The following CADPS variants were observed in gnomAD, a reference collection of about 807,000 sequenced individuals.
CADPS encodes calcium-dependent secretion activator 1.
In CADPS, 57 loss-of-function variants were observed where a neutral mutation model predicts 167.3. The ratio of observed to expected loss-of-function variants is 0.34; its 90% CI spans 0.28 to 0.42. The LOEUF (loss-of-function observed/expected upper bound fraction) is 0.42. Among genes scored for constraint, CADPS ranks in the 20% least tolerant of loss-of-function variants. CADPS has a pLI of 1.00. For synonymous variants in CADPS, 676 were observed against 635.3 expected (o/e 1.06, Z -0.96); for missense variants, 1,414 against 1,738.1 (o/e 0.81, Z 3.32).
At chr3:62,474,003 A>G in intron 24 of CADPS, 170 bp downstream of exon 24, 2 of 525,112 alleles carry the variant, frequency 3.8e-6, no homozygotes, top group South Asian at 6.4e-5. Context: ...TGCCTTAGAA[A>G]TCTACTTGAC....
chr3:62,753,832 C>T lies in CADPS; in HGVS notation c.556-59G>A. 1 of 1,499,790 alleles carries T rather than the reference C, an allele frequency of 6.7e-7. No individual in the cohort carries two copies. The highest frequency in any genetic ancestry group is 9.0e-7 in the Non-Finnish European group (1 of 1,106,710). 92.9% of individuals were successfully genotyped at this position (1,499,790 alleles called of 1,614,324 possible). Reference sequence around the variant, plus strand: ...AGAGTTTACCACAGAGGTACCAGTTCCCTGGGGCTGGACACTGGGCCAGTC... The same window carrying T: ...AGAGTTTACCACAGAGGTACCAGTTTCCTGGGGCTGGACACTGGGCCAGTC... On this transcript the variant is annotated intron_variant, in intron 2 of 29. Transcript: ENST00000383710. The surrounding 1 kb of genome is among the most constrained non-coding windows in gnomAD (Gnocchi z 4.6).
chr3:62,841,356 TAGAG>T (rs1332906485), intron 1 of CADPS, among the ~76,000 whole-genome samples: 1 of 152,162 alleles, frequency 6.6e-6, no homozygotes, highest in Non-Finnish European at 1.5e-5. Context: ...ATTTTCCCCT[TAGAG>T]AGGGAAAAAT....
In CADPS at chr3:62,798,311, G is replaced by A. The variant is rs142516158; in HGVS notation, c.442-32327C>T. Among the ~76,000 whole-genome samples, 1,474 of 152,178 alleles carry A rather than the reference G, an allele frequency of 9.7e-3. 23 individuals are homozygous for A. Among genetic ancestry groups the A allele is most frequent in the African/African-American group, 0.033 (1,372 of 41,504 alleles). On this transcript the variant is annotated intron_variant, in intron 1 of 29. Coordinates refer to ENST00000383710, the MANE Select transcript of CADPS (RefSeq NM_003716.4). Reference sequence around the variant, plus strand: ...GCTAAGATAAAGCAGGCAGAAGAACGTGGAAGGACTTGATTTGCTGAATCT... The same window carrying A: ...GCTAAGATAAAGCAGGCAGAAGAACATGGAAGGACTTGATTTGCTGAATCT...
intron 19 of CADPS, 75 bp downstream of exon 19, chr3:62,493,570 G>C: frequency 9.0e-7 from 1 of 1,105,554 alleles, no homozygotes; most frequent in East Asian, 2.6e-5. Flanking sequence ...AGTTATTAGA[G>C]GGATATTCTA....
intron 1 of CADPS, among the ~76,000 whole-genome samples, chr3:62,837,850 A>G (rs933920358): frequency 1.3e-5 from 2 of 152,170 alleles, no homozygotes; most frequent in African/African-American, 2.4e-5. Context: ...TTGTAACTAT[A>G]AGACATAATG....
intron 13 of CADPS, among the ~76,000 whole-genome samples, chr3:62,523,931 T>C (rs1054134642): frequency 2.6e-5 from 4 of 152,222 alleles, no homozygotes; most frequent in African/African-American, 7.2e-5. Flanking sequence ...ACAAGCATGA[T>C]AACTGAATCC....
At chr3:62,736,157 G>A (rs1258289460) in intron 3 of CADPS, among the ~76,000 whole-genome samples, 1 of 152,110 alleles carries the variant, frequency 6.6e-6, no homozygotes, top group East Asian at 1.9e-4. Context: ...ACCTGTCCAG[G>A]TATCATTTTC....
At chr3:62,761,640 C>G (rs949590141) in intron 2 of CADPS, among the ~76,000 whole-genome samples, 8 of 151,790 alleles carry the variant, frequency 5.3e-5, no homozygotes, top group Non-Finnish European at 1.2e-4. Context: ...TGTGAAGAAA[C>G]TAAAATCAAG....
At chr3:62,801,436 A>C (rs2093757201) in intron 1 of CADPS, among the ~76,000 whole-genome samples, 1 of 152,142 alleles carries the variant, frequency 6.6e-6, no homozygotes, top group African/African-American at 2.4e-5. Flanking sequence ...CCTCAATGAA[A>C]ACCCAGGAAA....
intron 3 of CADPS, among the ~76,000 whole-genome samples, chr3:62,713,609 T>TCTG (rs1187330461): frequency 1.3e-5 from 2 of 152,256 alleles, no homozygotes; most frequent in African/African-American, 4.8e-5. Context: ...TTAGCCCTGC[T>TCTG]CTGCTGCTGC....
chr3:62,413,001 A>G (rs1028676784), intron 28 of CADPS, among the ~76,000 whole-genome samples: 5 of 152,140 alleles, frequency 3.3e-5, no homozygotes, highest in Admixed American at 6.5e-5. Flanking sequence ...GTCATCAGTG[A>G]GGAGGTGTGA....
intron 6 of CADPS, among the ~76,000 whole-genome samples, chr3:62,608,160 T>G (rs375956844): frequency 1.1e-4 from 16 of 152,178 alleles, no homozygotes; most frequent in African/African-American, 2.9e-4. Flanking sequence ...GGGGCTATGT[T>G]AAGTTCACCA....
intron 28 of CADPS, among the ~76,000 whole-genome samples, chr3:62,414,416 C>G (rs983861066): frequency 2.0e-5 from 3 of 152,170 alleles, no homozygotes; most frequent in Non-Finnish European, 4.4e-5. Flanking sequence ...TAGAATTAGG[C>G]TAATAATGCA....
At chr3:62,755,556 C>T (rs1302319876) in intron 2 of CADPS, among the ~76,000 whole-genome samples, 4 of 152,178 alleles carry the variant, frequency 2.6e-5, no homozygotes, top group Non-Finnish European at 5.9e-5. Flanking sequence ...TGCCTGGGGG[C>T]ATCTCATTGC....
At chr3:62,599,854 T>TATATA (rs1232413479) in intron 6 of CADPS, among the ~76,000 whole-genome samples, 9 of 3,032 alleles carry the variant, frequency 3.0e-3, no homozygotes, top group Non-Finnish European at 0.014. Flanking sequence ...ATATATATAA[T>TATATA]ATATATAATA....
chr3:62,842,198 C>A lies in CADPS; in HGVS notation c.441+32391G>T, dbSNP rs73844642. Among the ~76,000 whole-genome samples the A allele has an allele frequency of 6.8e-3, 1,038 of 152,284 alleles. 13 individuals are homozygous for A. The highest frequency in any genetic ancestry group is 0.024 in the African/African-American group (982 of 41,556). ...AGAACAAGAACTCTAACAACAGTTA[C>A]CAGTGCCAACGCTTTACGTATATTA... On this transcript the variant is annotated intron_variant, in intron 1 of 29. Coordinates refer to ENST00000383710, the MANE Select transcript of CADPS (RefSeq NM_003716.4).
chr3:62,788,958 T>C (rs1447874076), intron 1 of CADPS, among the ~76,000 whole-genome samples: 1 of 152,216 alleles, frequency 6.6e-6, no homozygotes, highest in African/African-American at 2.4e-5. Context: ...AATATTAATC[T>C]GGCTCCATAT....
intron 26 of CADPS, among the ~76,000 whole-genome samples, chr3:62,460,364 C>A (rs2059189910): frequency 1.3e-5 from 2 of 152,134 alleles, no homozygotes; most frequent in Non-Finnish European, 2.9e-5. Context: ...ATGTATTTGG[C>A]AGTGAATAAT....
intron 3 of CADPS, among the ~76,000 whole-genome samples, chr3:62,703,800 G>A (rs916020042): frequency 6.6e-6 from 1 of 152,130 alleles, no homozygotes. Flanking sequence ...TGAAAAAGGT[G>A]TAATTTTGAA....
Sources: allele counts gnomAD v4.1 joint callset (sites outside exome capture counted in the v4.1 genomes callset), GRCh38; gene constraint gnomAD v4.1.1; non-coding constraint Gnocchi (gnomAD v3.1); transcripts MANE v1.5; gene names NCBI Gene and HGNC (gene_info 2026-07-23, HGNC 2026-07-21).